Variants in NME7 observed in about 807,000 individuals in gnomAD.
The protein encoded by NME7 is NME/NM23 family member 7.
NME7 carries 41 observed loss-of-function variants against 49.1 expected under a neutral mutation model. The observed-to-expected ratio is 0.83, with a 90% confidence interval of 0.65 to 1.08. The LOEUF (loss-of-function observed/expected upper bound fraction) is 1.08. NME7 is among the 50% of genes least tolerant of loss of function. The pLI, the probability that NME7 is intolerant of heterozygous loss-of-function variation, is 0.00. For synonymous variants in NME7, 139 were observed against 150.6 expected, an observed-to-expected ratio of 0.92 and a Z score of 0.56; for missense variants, 423 against 463.4, an observed-to-expected ratio of 0.91 and a Z score of 0.80.
chr1:169,337,574 A>G (rs1364686255), intron 1 of NME7, among the ~76,000 whole-genome samples: 2 of 152,180 alleles, frequency 1.3e-5, no homozygotes, highest in African/African-American at 4.8e-5. Context: ...CCAAAGTGGG[A>G]GCCCATGCAG....
intron 5 of NME7, 99 bp downstream of exon 5, chr1:169,303,046 G>C: frequency 1.4e-6 from 1 of 738,444 alleles, no homozygotes; most frequent in Non-Finnish European, 2.3e-6. Context: ...TGGCCCTTTT[G>C]ACAGATTATT....
intron 7 of NME7, among the ~76,000 whole-genome samples, chr1:169,238,138 A>T (rs1647934486): frequency 6.6e-6 from 1 of 152,020 alleles, no homozygotes; most frequent in Non-Finnish European, 1.5e-5. Flanking sequence ...AATGAAAAGC[A>T]TGAATGGTCC....
intron 11 of NME7, among the ~76,000 whole-genome samples, chr1:169,165,387 G>A (rs1312222367): frequency 2.6e-5 from 4 of 152,098 alleles, no homozygotes; most frequent in Non-Finnish European, 5.9e-5. Context: ...CTATACCCAT[G>A]ACACATAGCT....
chr1:169,214,350 C>T (rs35144581), intron 10 of NME7, among the ~76,000 whole-genome samples: 9,459 of 152,266 alleles, frequency 0.062, 385 homozygotes, highest in East Asian at 0.12. Context: ...AAGGGAACAG[C>T]CTTGTTTGAA....
At chr1:169,312,822 T>G (rs1199853605) in intron 3 of NME7, among the ~76,000 whole-genome samples, 4 of 152,244 alleles carry the variant, frequency 2.6e-5, no homozygotes, top group African/African-American at 9.6e-5. Flanking sequence ...TGCTATGGAC[T>G]CTTTAAATGC....
chr1:169,291,600 A>G (rs1650506050), intron 6 of NME7, among the ~76,000 whole-genome samples: 1 of 151,940 alleles, frequency 6.6e-6, no homozygotes, highest in African/African-American at 2.4e-5. Flanking sequence ...GTGTATACCT[A>G]CATAATAAAC....
intron 10 of NME7, among the ~76,000 whole-genome samples, chr1:169,185,472 C>G (rs1172834256): frequency 6.6e-6 from 1 of 152,180 alleles, no homozygotes; most frequent in Non-Finnish European, 1.5e-5. Flanking sequence ...CCCTGTCAAA[C>G]AGAATGGGGT....
intron 1 of NME7, among the ~76,000 whole-genome samples, chr1:169,339,078 T>C (rs1283054483): frequency 6.6e-6 from 1 of 152,086 alleles, no homozygotes; most frequent in East Asian, 1.9e-4. Flanking sequence ...AATAAATATT[T>C]ACCAAAATAA....
chr1:169,193,479 C>A (rs1660291555), intron 10 of NME7, among the ~76,000 whole-genome samples: 1 of 152,162 alleles, frequency 6.6e-6, no homozygotes, highest in Non-Finnish European at 1.5e-5. Context: ...GTGGCAGGCT[C>A]TTTCATGTCC....
chr1:169,219,922 G>C (rs149766157), intron 10 of NME7, among the ~76,000 whole-genome samples: 205 of 152,248 alleles, frequency 1.3e-3, no homozygotes, highest in Non-Finnish European at 2.5e-3. Context: ...TACCTTATAT[G>C]ATGAAGAAGC....
At chr1:169,141,911 A>C (rs922854825) in intron 11 of NME7, among the ~76,000 whole-genome samples, 2 of 152,196 alleles carry the variant, frequency 1.3e-5, no homozygotes, top group African/African-American at 2.4e-5. Context: ...GCATATGCTG[A>C]GGTAATTTAA....
rs956372669 is a variant in NME7, at chr1:169,257,112, G to C, written c.755-19425C>G. ...TCCGCCCAGGTGGAGCTTCCTGGCT[G>C]CTTTGTTTACCTAATCAAGCCTGAG... On this transcript the variant is annotated intron_variant, in intron 7 of 11. Coordinates refer to ENST00000367811, the MANE Select transcript of NME7 (RefSeq NM_013330.5). Among the ~76,000 whole-genome samples the C allele has an allele frequency of 6.6e-4, 89 of 135,184 alleles. 26 individuals are homozygous for C. Among genetic ancestry groups the C allele is most frequent in the Admixed American group, 2.3e-3 (32 of 13,934 alleles). 88.7% of individuals were successfully genotyped at this position (135,184 alleles called of 152,430 possible).
At chr1:169,305,544 A>C (rs1404162156) in intron 4 of NME7, among the ~76,000 whole-genome samples, 1 of 152,204 alleles carries the variant, frequency 6.6e-6, no homozygotes, top group East Asian at 1.9e-4. Context: ...GTATGCCAAG[A>C]ATGCAAGGAC....
intron 7 of NME7, among the ~76,000 whole-genome samples, chr1:169,241,606 T>C (rs563591810): frequency 5.9e-5 from 9 of 151,988 alleles, no homozygotes; most frequent in East Asian, 3.9e-4. Context: ...ACACGATATA[T>C]AGGAAGATGC....
chr1:169,235,853 G>C (rs571761947), intron 8 of NME7, among the ~76,000 whole-genome samples: 1 of 152,210 alleles, frequency 6.6e-6, no homozygotes, highest in Middle Eastern at 3.4e-3. Context: ...AGTAAGTCTA[G>C]AGGGACTTAT....
intron 10 of NME7, among the ~76,000 whole-genome samples, chr1:169,211,807 T>C (rs1418742886): frequency 2.0e-5 from 3 of 152,160 alleles, no homozygotes; most frequent in Non-Finnish European, 2.9e-5. Context: ...ATTCCAAACC[T>C]CTGACTTGTA....
chr1:169,239,194 G>A (rs565794185), intron 7 of NME7, among the ~76,000 whole-genome samples: 1 of 152,076 alleles, frequency 6.6e-6, no homozygotes, highest in African/African-American at 2.4e-5. Context: ...AAAAGAATAA[G>A]TAGTGGAAAG....
intron 10 of NME7, among the ~76,000 whole-genome samples, chr1:169,220,584 T>C (rs1011383747): frequency 2.0e-5 from 3 of 152,204 alleles, no homozygotes; most frequent in Non-Finnish European, 2.9e-5. Flanking sequence ...CAGGATTATT[T>C]TGTAATCACT....
At chr1:169,156,325 A>T (rs1348161784) in intron 11 of NME7, among the ~76,000 whole-genome samples, 1 of 148,046 alleles carries the variant, frequency 6.8e-6, no homozygotes, top group African/African-American at 2.5e-5. Context: ...AATTAAAAAA[A>T]AAATTAAAAA....
Sources: allele counts gnomAD v4.1 joint callset (sites outside exome capture counted in the v4.1 genomes callset), GRCh38; gene constraint gnomAD v4.1.1; transcripts MANE v1.5; gene names NCBI Gene and HGNC (gene_info 2026-07-23, HGNC 2026-07-21).